Variants in GRIK2 observed in about 807,000 individuals in gnomAD.
GRIK2 encodes glutamate receptor ionotropic, kainate 2.
GRIK2 carries 32 observed loss-of-function variants against 100.3 expected under a neutral mutation model. That is an observed-to-expected ratio of 0.32 (90% CI 0.24 to 0.43). The LOEUF (loss-of-function observed/expected upper bound fraction) is 0.43, where lower values mean the gene tolerates loss of function less well. GRIK2 is among the 20% of genes least tolerant of loss of function. GRIK2 has a pLI of 1.00. For missense variants in GRIK2, 843 were observed against 1,114.9 expected (o/e 0.76, Z 3.47); for synonymous variants, 417 against 389.4 (o/e 1.07, Z -0.83).
intron 2 of GRIK2, among the ~76,000 whole-genome samples, chr6:101,515,767 G>GT (rs1774556438): frequency 6.6e-6 from 1 of 152,032 alleles, no homozygotes; most frequent in African/African-American, 2.4e-5. Context: ...GGGATTGTTT[G>GT]TTTTTATCTT....
At chr6:101,782,681 T>C (rs1779170827) in intron 7 of GRIK2, among the ~76,000 whole-genome samples, 1 of 152,150 alleles carries the variant, frequency 6.6e-6, no homozygotes, top group Non-Finnish European at 1.5e-5. Flanking sequence ...AGTGCATGTA[T>C]CCCTTTGATA....
At chr6:101,547,509 C>G (rs1776304706) in intron 2 of GRIK2, among the ~76,000 whole-genome samples, 1 of 152,134 alleles carries the variant, frequency 6.6e-6, no homozygotes, top group African/African-American at 2.4e-5. Context: ...GTGATGTTCC[C>G]CTTCCTGTGT....
intron 14 of GRIK2, among the ~76,000 whole-genome samples, chr6:101,935,832 C>A (rs542345400): frequency 6.6e-6 from 1 of 151,894 alleles, no homozygotes; most frequent in African/African-American, 2.4e-5. Flanking sequence ...TACTTGAGAA[C>A]CCCTCAATAT....
chr6:101,933,259 A>G (rs748720847), intron 14 of GRIK2, among the ~76,000 whole-genome samples: 36 of 151,924 alleles, frequency 2.4e-4, no homozygotes, highest in Non-Finnish European at 2.9e-4. Context: ...TCCCCTCTAC[A>G]TCACCTCTAA....
intron 7 of GRIK2, among the ~76,000 whole-genome samples, chr6:101,715,393 T>C (rs1165894063): frequency 6.6e-6 from 1 of 151,658 alleles, no homozygotes; most frequent in Non-Finnish European, 1.5e-5. Context: ...AACCTGAGAC[T>C]TGGAAGATGA....
At chr6:102,004,628 G>T (rs983164709) in intron 14 of GRIK2, among the ~76,000 whole-genome samples, 1 of 151,862 alleles carries the variant, frequency 6.6e-6, no homozygotes, top group Non-Finnish European at 1.5e-5. Flanking sequence ...CAATTCTTGG[G>T]AGTGAAAGCA....
intron 15 of GRIK2, among the ~76,000 whole-genome samples, chr6:102,048,503 C>T (rs1016990463): frequency 6.6e-6 from 1 of 151,980 alleles, no homozygotes; most frequent in African/African-American, 2.4e-5. Context: ...ACTCAGACAA[C>T]TGAATAGCAA....
At chr6:101,758,950 C>T (rs959994888) in intron 7 of GRIK2, among the ~76,000 whole-genome samples, 1 of 151,976 alleles carries the variant, frequency 6.6e-6, no homozygotes, top group African/African-American at 2.4e-5. Flanking sequence ...ATCATATCAC[C>T]ATTATGGCTA....
chr6:101,939,906 C>T (rs2852590), intron 14 of GRIK2, among the ~76,000 whole-genome samples: 5,205 of 152,086 alleles, frequency 0.034, 319 homozygotes, highest in African/African-American at 0.12. Flanking sequence ...TTATTAAACA[C>T]GACCTTTTTT....
At chr6:101,849,957 T>G (rs906862695) in intron 10 of GRIK2, among the ~76,000 whole-genome samples, 1 of 150,806 alleles carries the variant, frequency 6.6e-6, no homozygotes, top group Non-Finnish European at 1.5e-5. Context: ...ACTTTACAAG[T>G]TTTTTAGTCA....
intron 7 of GRIK2, among the ~76,000 whole-genome samples, chr6:101,783,403 T>A (rs1779225728): frequency 6.6e-6 from 1 of 152,128 alleles, no homozygotes; most frequent in Admixed American, 6.6e-5. Context: ...CTGAGGCCTC[T>A]CCAGTCATGC....
At chr6:101,852,153 A>C (rs1313584994) in intron 10 of GRIK2, among the ~76,000 whole-genome samples, 1 of 152,074 alleles carries the variant, frequency 6.6e-6, no homozygotes, top group African/African-American at 2.4e-5. Flanking sequence ...GGGATTGGCA[A>C]ATTGTCGATC....
chr6:102,015,229 G>A (rs556763169), intron 14 of GRIK2, among the ~76,000 whole-genome samples: 12 of 150,900 alleles, frequency 8.0e-5, no homozygotes, highest in Non-Finnish European at 1.5e-4. Context: ...TTGATTTAAC[G>A]TCTGTTTTGT....
At chr6:101,395,952 A>G (rs1774987927) in intron 1 of GRIK2, among the ~76,000 whole-genome samples, 2 of 152,222 alleles carry the variant, frequency 1.3e-5, no homozygotes, top group African/African-American at 4.8e-5. Context: ...AGAATAAAAT[A>G]TATAAATCTT....
intron 2 of GRIK2, among the ~76,000 whole-genome samples, chr6:101,405,916 A>G (rs1327281383): frequency 6.6e-6 from 1 of 152,244 alleles, no homozygotes; most frequent in Admixed American, 6.5e-5. Flanking sequence ...TACAATTTTG[A>G]AAAAAGCTTT....
intron 2 of GRIK2, among the ~76,000 whole-genome samples, chr6:101,538,428 C>A (rs1465467773): frequency 6.6e-6 from 1 of 151,504 alleles, no homozygotes; most frequent in Non-Finnish European, 1.5e-5. Context: ...AATTTTTTTA[C>A]AAATAAGTAA....
intron 2 of GRIK2, among the ~76,000 whole-genome samples, chr6:101,458,057 C>T (rs551293170): frequency 6.6e-6 from 1 of 152,186 alleles, no homozygotes; most frequent in East Asian, 1.9e-4. Flanking sequence ...CTCATGAAAA[C>T]ACACTGTGCA....
rs368176541 is a variant in GRIK2, at chr6:101,876,484, A to AACAG, written c.1525-13153_1525-13152insGACA. Among the ~76,000 whole-genome samples, 1,322 of 148,910 alleles carry AACAG rather than the reference A, an allele frequency of 8.9e-3. 21 individuals are homozygous for AACAG. The highest frequency in any genetic ancestry group is 0.031 in the African/African-American group (1,258 of 40,326). ...ATGGTTTCCTTAGAAAACAAAAACA[A>AACAG]ACACACACACACACACACACACACA... is the stretch of plus-strand genomic sequence containing the variant. On this transcript the variant is annotated intron_variant, in intron 11 of 16. Coordinates refer to ENST00000369134, the MANE Select transcript of GRIK2 (RefSeq NM_021956.5).
chr6:101,945,360 A>T (rs912280107), intron 14 of GRIK2, among the ~76,000 whole-genome samples: 16 of 152,162 alleles, frequency 1.1e-4, no homozygotes, highest in Non-Finnish European at 2.1e-4. Context: ...AATCCAGTAA[A>T]TTCAAAATGG....
Sources: gnomAD v4.1 joint callset for allele counts (sites outside exome capture counted in the v4.1 genomes callset) on GRCh38, gnomAD v4.1.1 for gene constraint, MANE v1.5 for transcripts, NCBI Gene and HGNC (gene_info 2026-07-23, HGNC 2026-07-21) for gene names.